Variants in FRMD4A observed in about 807,000 individuals in gnomAD.
The protein encoded by FRMD4A is FERM domain-containing protein 4A.
A neutral mutation model predicts 129.1 loss-of-function variants in FRMD4A; 29 were observed. The ratio of observed to expected loss-of-function variants is 0.22; its 90% CI spans 0.17 to 0.31. The LOEUF is 0.31. FRMD4A is among the 10% of genes least tolerant of loss of function. The pLI is 1.00. For missense variants in FRMD4A, 1,272 were observed against 1,375.8 expected, an observed-to-expected ratio of 0.92 and a Z score of 1.19; for synonymous variants, 634 against 571.6, an observed-to-expected ratio of 1.11 and a Z score of -1.56.
At chr10:13,684,300 G>C in intron 15 of FRMD4A, 1 of 983,650 alleles carries the variant, frequency 1.0e-6, no homozygotes, top group Non-Finnish European at 1.2e-6. Context: ...TCCAAGCAGA[G>C]AGAGAGATGG....
chr10:13,707,525 C>G (rs2087586773), intron 12 of FRMD4A: 1 of 1,004,466 alleles, frequency 1.0e-6, no homozygotes, highest in African/African-American at 1.7e-5. Flanking sequence ...GAGGAGCGAG[C>G]GCTCAGGAGG....
intron 2 of FRMD4A, among the ~76,000 whole-genome samples, chr10:14,281,797 CT>C (rs1014069334): frequency 5.3e-5 from 8 of 152,200 alleles, no homozygotes; most frequent in African/African-American, 1.7e-4. Flanking sequence ...CCAAAACCAC[CT>C]TTTCCCACTT....
chr10:14,320,849 C>T (rs545775348), intron 2 of FRMD4A, among the ~76,000 whole-genome samples: 5 of 152,286 alleles, frequency 3.3e-5, no homozygotes, highest in African/African-American at 7.2e-5. Flanking sequence ...CTTCCCACCC[C>T]GGGGCCATGG....
chr10:14,118,638 T>C (rs1437105836), intron 2 of FRMD4A, among the ~76,000 whole-genome samples: 1 of 152,024 alleles, frequency 6.6e-6, no homozygotes, highest in Non-Finnish European at 1.5e-5. Flanking sequence ...ACAATCATGG[T>C]GGAAGATGAA....
intron 2 of FRMD4A, among the ~76,000 whole-genome samples, chr10:14,012,107 G>C (rs10508471): frequency 6.6e-6 from 1 of 151,548 alleles, no homozygotes; most frequent in Non-Finnish European, 1.5e-5. Flanking sequence ...TGGATGACAC[G>C]GTACCCTCAG....
In FRMD4A at chr10:13,705,851, G is replaced by A. The variant is rs556539297; in HGVS notation, c.836+1186C>T. Among the ~76,000 whole-genome samples, 7 of 152,332 alleles carry A rather than the reference G, an allele frequency of 4.6e-5. No individual in the cohort carries two copies. The South Asian group carries it at 1.5e-3, about 32-fold the overall frequency. ...CAGCTGCTCTCCACTAACTATTCCT[G>A]TAGTAACCGTGGTGCTGAGATAAGC... On this transcript the variant is annotated intron_variant, in intron 13 of 24. Transcript: ENST00000357447.
intron 11 of FRMD4A, 100 bp downstream of exon 11, chr10:13,740,092 CTA>C: frequency 1.3e-6 from 1 of 778,778 alleles, no homozygotes; most frequent in South Asian, 1.6e-5. Flanking sequence ...AAGCAAGACT[CTA>C]TCTCAAAAGA....
At chr10:13,871,858 C>T (rs2094442398) in intron 2 of FRMD4A, among the ~76,000 whole-genome samples, 1 of 152,222 alleles carries the variant, frequency 6.6e-6, no homozygotes, top group Admixed American at 6.5e-5. Context: ...ACTGTGCCTC[C>T]CTTGCTACCC....
chr10:13,661,047 T>G (rs1283028864), intron 19 of FRMD4A, among the ~76,000 whole-genome samples: 1 of 152,148 alleles, frequency 6.6e-6, no homozygotes, highest in Admixed American at 6.6e-5. Flanking sequence ...AAAAAATGAA[T>G]GAGGGTCTAT....
At chr10:13,700,820 CTTTTTTTTTT>C (rs71503097) in intron 14 of FRMD4A, among the ~76,000 whole-genome samples, 8 of 44,714 alleles carry the variant, frequency 1.8e-4, no homozygotes, top group Admixed American at 4.5e-4. Context: ...AGGGTAGTTG[CTTTTTTTTTT>C]TTTTTTTTTT....
At chr10:13,828,786 C>T (rs1350072525) in intron 3 of FRMD4A, among the ~76,000 whole-genome samples, 2 of 152,160 alleles carry the variant, frequency 1.3e-5, no homozygotes, top group African/African-American at 4.8e-5. Flanking sequence ...CCCGCCTTGG[C>T]CTCGCAAAGT....
intron 2 of FRMD4A, among the ~76,000 whole-genome samples, chr10:14,229,525 C>T (rs1843564119): frequency 6.6e-6 from 1 of 152,242 alleles, no homozygotes; most frequent in South Asian, 2.1e-4. Context: ...GCAGCCTCGA[C>T]CTCCCATGCT....
rs768145306 is a variant in FRMD4A, at chr10:13,820,334, G to GTGCGAAGCCTGCAT, written c.112-9440_112-9427dup. 6.3e-3 allele frequency among the ~76,000 whole-genome samples: 966 copies of GTGCGAAGCCTGCAT among 152,272 alleles called. 9 individuals are homozygous for GTGCGAAGCCTGCAT. Among genetic ancestry groups the GTGCGAAGCCTGCAT allele is most frequent in the Non-Finnish European group, 0.011 (727 of 68,020 alleles). ...GTTGGTTGTGACATGAGTGATCTCA[G>GTGCGAAGCCTGCAT]TGCGAAGCCTGCATTGACATTGGTG... On this transcript the variant is annotated intron_variant, in intron 3 of 24. Transcript: ENST00000357447.
intron 2 of FRMD4A, among the ~76,000 whole-genome samples, chr10:14,293,222 G>T (rs1200668081): frequency 6.6e-6 from 1 of 152,178 alleles, no homozygotes; most frequent in East Asian, 1.9e-4. Context: ...TATCATGGGA[G>T]TCAGTTGGTT....
intron 3 of FRMD4A, among the ~76,000 whole-genome samples, chr10:13,827,197 CAAAA>C (rs1467482090): frequency 6.6e-6 from 1 of 152,134 alleles, no homozygotes; most frequent in African/African-American, 2.4e-5. Flanking sequence ...CGTTAGCAGA[CAAAA>C]GAAACGGGTT....
chr10:14,154,135 G>A (rs1840483067), intron 2 of FRMD4A, among the ~76,000 whole-genome samples: 2 of 152,162 alleles, frequency 1.3e-5, no homozygotes, highest in Non-Finnish European at 2.9e-5. Context: ...AGGTTAGGCA[G>A]GGAGGTTCTG....
At chr10:13,830,118 C>A (rs2093766449) in intron 3 of FRMD4A, among the ~76,000 whole-genome samples, 1 of 152,198 alleles carries the variant, frequency 6.6e-6, no homozygotes, top group African/African-American at 2.4e-5. Flanking sequence ...GCTTTACATT[C>A]ATAACAGTGT....
At chr10:13,977,020 C>T (rs904213800) in intron 2 of FRMD4A, among the ~76,000 whole-genome samples, 2 of 152,194 alleles carry the variant, frequency 1.3e-5, no homozygotes, top group Non-Finnish European at 2.9e-5. Flanking sequence ...GAATTAACGC[C>T]TTAGCCTAAG....
rs184154787 is a variant in FRMD4A, at chr10:14,311,677, G to A, written c.45+18381C>T. Among the ~76,000 whole-genome samples, 9 of 148,848 alleles carry A rather than the reference G, an allele frequency of 6.0e-5. No individual in the cohort carries two copies. In the East Asian group the frequency reaches 8.0e-4, roughly 13 times the overall value. On this transcript the variant is annotated intron_variant, in intron 2 of 24. Coordinates refer to ENST00000357447, the MANE Select transcript of FRMD4A (RefSeq NM_018027.5). ...AGTTCCAGGTGGTCATGGCAGCCACGTCTTGCTCTCCAGGGCTGTTCCATC... is the reference window on the plus strand; with the variant it reads ...AGTTCCAGGTGGTCATGGCAGCCACATCTTGCTCTCCAGGGCTGTTCCATC...
Sources: gnomAD v4.1 joint callset for allele counts (sites outside exome capture counted in the v4.1 genomes callset) on GRCh38, gnomAD v4.1.1 for gene constraint, MANE v1.5 for transcripts, NCBI Gene and HGNC (gene_info 2026-07-23, HGNC 2026-07-21) for gene names.